KAT6A: variants seen among roughly 807,000 people sequenced by gnomAD.
KAT6A encodes lysine acetyltransferase 6A, also known as histone acetyltransferase KAT6A.
KAT6A carries 9 observed loss-of-function variants against 198.4 expected under a neutral mutation model. The observed-to-expected ratio is 0.05, with a 90% CI of 0.03 to 0.08. The LOEUF is 0.08. KAT6A is among the 10% of genes least tolerant of loss of function. The pLI is 1.00. For missense variants in KAT6A, 2,077 were observed against 2,509.9 expected (o/e 0.83, Z 3.69); for synonymous variants, 890 against 883.0 (o/e 1.01, Z -0.14).
chr8:41,936,895 A>G (rs1453427575), intron 16 of KAT6A, among the ~76,000 whole-genome samples: 1 of 152,228 alleles, frequency 6.6e-6, no homozygotes, highest in Admixed American at 6.5e-5. Context: ...AAACAGACTA[A>G]GTCTAGAGAA....
intron 2 of KAT6A, among the ~76,000 whole-genome samples, chr8:42,034,215 G>C (rs567367401): frequency 1.3e-5 from 2 of 152,166 alleles, no homozygotes; most frequent in African/African-American, 2.4e-5. Context: ...AATGGCTCTC[G>C]AACTCAAGCG....
intron 8 of KAT6A, among the ~76,000 whole-genome samples, chr8:41,972,993 G>A (rs1449299613): frequency 6.6e-6 from 1 of 152,200 alleles, no homozygotes; most frequent in Non-Finnish European, 1.5e-5. Flanking sequence ...CTGCCCAAAG[G>A]AGAAGTTAGT....
At chr8:41,989,028 A>G (rs1427270083) in intron 2 of KAT6A, among the ~76,000 whole-genome samples, 1 of 152,228 alleles carries the variant, frequency 6.6e-6, no homozygotes, top group Non-Finnish European at 1.5e-5. Flanking sequence ...ATAGAACTAT[A>G]GTAATAGAAA....
chr8:41,968,445 GAATGGCAATCATTAAAAAGTC>G (rs1484128021), intron 8 of KAT6A, among the ~76,000 whole-genome samples: 4 of 152,206 alleles, frequency 2.6e-5, no homozygotes, highest in Non-Finnish European at 5.9e-5. Context: ...ACACCAGTTA[GAATGGCAATCATTAAAAAGTC>G]AGGAAACAAC....
intron 8 of KAT6A, among the ~76,000 whole-genome samples, chr8:41,971,674 T>C (rs1254023555): frequency 6.7e-6 from 1 of 150,072 alleles, no homozygotes; most frequent in African/African-American, 2.5e-5. Context: ...AGCAAGGAAG[T>C]GGTATAATCC....
At chr8:41,962,442 C>T (rs574046982) in intron 8 of KAT6A, among the ~76,000 whole-genome samples, 8 of 152,132 alleles carry the variant, frequency 5.3e-5, no homozygotes, top group East Asian at 1.9e-4. Flanking sequence ...GGCATCGTCT[C>T]GGACTCCCTG....
At chr8:42,005,457 A>G (rs1268250402) in intron 2 of KAT6A, among the ~76,000 whole-genome samples, 1 of 152,224 alleles carries the variant, frequency 6.6e-6, no homozygotes. Context: ...GTAATGCTCA[A>G]TAAGGAAAAC....
intron 2 of KAT6A, among the ~76,000 whole-genome samples, chr8:42,024,452 C>A (rs1283426309): frequency 6.6e-6 from 1 of 152,184 alleles, no homozygotes; most frequent in Non-Finnish European, 1.5e-5. Flanking sequence ...TGTTGGTTAA[C>A]ACTTGAAATC....
At chr8:41,951,771 C>T (rs1822679261) in intron 9 of KAT6A, among the ~76,000 whole-genome samples, 1 of 152,092 alleles carries the variant, frequency 6.6e-6, no homozygotes, top group African/African-American at 2.4e-5. Context: ...TGAACATGGC[C>T]CAACATAGTA....
chr8:41,963,234 A>T (rs1216035510), intron 8 of KAT6A, among the ~76,000 whole-genome samples: 2 of 152,174 alleles, frequency 1.3e-5, no homozygotes, highest in Non-Finnish European at 2.9e-5. Context: ...TTTGATAAAA[A>T]TTTTAAACAA....
intron 2 of KAT6A, among the ~76,000 whole-genome samples, chr8:42,025,548 T>C (rs1026957573): frequency 1.3e-5 from 2 of 152,186 alleles, no homozygotes; most frequent in Non-Finnish European, 2.9e-5. Context: ...TGGCCATTTG[T>C]ATGTATTCTT....
chr8:41,956,248 A>G (rs1031702929), intron 8 of KAT6A, among the ~76,000 whole-genome samples: 2 of 152,194 alleles, frequency 1.3e-5, no homozygotes, highest in Non-Finnish European at 1.5e-5. Flanking sequence ...CTTGCTCTGC[A>G]CCCAGTCTAG....
At chr8:41,974,104 G>A (rs1041191198) in intron 8 of KAT6A, among the ~76,000 whole-genome samples, 1 of 151,664 alleles carries the variant, frequency 6.6e-6, no homozygotes, top group African/African-American at 2.4e-5. Flanking sequence ...GGAAGACAGG[G>A]TCTCACTCTG....
rs139521884 is a variant in KAT6A, at chr8:41,996,224, T to C, written c.601-8661A>G. Among the ~76,000 whole-genome samples, 894 of 152,324 alleles carry C rather than the reference T, an allele frequency of 5.9e-3. 5 individuals carry two copies. Among genetic ancestry groups the C allele is most frequent in the South Asian group, 0.028 (134 of 4,830 alleles). On this transcript the variant is annotated intron_variant, in intron 2 of 16. Transcript: ENST00000265713. ...TTTTCATGGAAAAAAACTGCACTTG[T>C]AAACTCAAACTCATAACTTTGGAAA...
At chr8:42,051,296 A>C (rs1000456927) in intron 1 of KAT6A, among the ~76,000 whole-genome samples, 23 of 150,854 alleles carry the variant, frequency 1.5e-4, no homozygotes, top group Admixed American at 1.4e-3. Context: ...ACAACACCAC[A>C]CGTGCTGCGC....
At chr8:41,991,180 A>C (rs1364019767) in intron 2 of KAT6A, among the ~76,000 whole-genome samples, 2 of 152,218 alleles carry the variant, frequency 1.3e-5, no homozygotes, top group African/African-American at 4.8e-5. Flanking sequence ...TATTAATAAA[A>C]CATACACCAA....
chr8:42,030,191 T>C (rs916677924), intron 2 of KAT6A, among the ~76,000 whole-genome samples: 1 of 152,168 alleles, frequency 6.6e-6, no homozygotes, highest in Non-Finnish European at 1.5e-5. Context: ...AGCTCCCTAT[T>C]TTCCTATTCT....
rs765258483 is a variant in KAT6A at position 42,048,877 on chromosome 8, T to C, written c.101A>G (p.Asn34Ser). The C allele has an allele frequency of 4.3e-6, 7 of 1,614,106 alleles. No homozygotes were observed. The highest frequency in any genetic ancestry group is 1.7e-5 in the Admixed American group (1 of 60,010). Residue 34 changes from asparagine (N) to serine (S), a missense_variant, in exon 2 of 17, where the codon AAT becomes AGT. Coordinates refer to ENST00000265713, the MANE Select transcript of KAT6A (RefSeq NM_006766.5). ...KQRPSEERICNAVSSSHGLDR... is the reference protein window; with the variant it reads ...KQRPSEERICSAVSSSHGLDR... ...CAAGCCATGGGATGAAGACACAGCA[T>C]TGCATATCCTTTCTTCTGAAGGACG...
At chr8:42,010,022 G>A (rs1205710468) in intron 2 of KAT6A, among the ~76,000 whole-genome samples, 1 of 151,734 alleles carries the variant, frequency 6.6e-6, no homozygotes, top group African/African-American at 2.4e-5. Context: ...AAACAGGATA[G>A]TCGCAGTAGC....
Sources: allele counts gnomAD v4.1 joint callset (sites outside exome capture counted in the v4.1 genomes callset), GRCh38; gene constraint gnomAD v4.1.1; transcripts MANE v1.5; gene names NCBI Gene and HGNC (gene_info 2026-07-23, HGNC 2026-07-21).